The following ATPAF2 variants were observed in gnomAD, a reference collection of about 807,000 sequenced individuals.
The protein encoded by ATPAF2 is ATP12 homolog.
A neutral mutation model predicts 36.6 loss-of-function variants in ATPAF2; 30 were observed. The observed-to-expected ratio is 0.82, with a 90% CI of 0.61 to 1.11. ATPAF2 has a LOEUF of 1.11. ATPAF2 is among the 50% of genes most tolerant of loss of function. The pLI, the probability that ATPAF2 is intolerant of heterozygous loss-of-function variation, is 0.00. For synonymous variants in ATPAF2, 140 were observed against 152.6 expected, an observed-to-expected ratio of 0.92 and a Z score of 0.61; for missense variants, 321 against 372.3, an observed-to-expected ratio of 0.86 and a Z score of 1.13.
intron 3 of ATPAF2, chr17:18,026,767 G>T: frequency 2.7e-6 from 1 of 371,146 alleles, no homozygotes. Context: ...TGTCCATCTG[G>T]GATGTGAAAA....
chr17:18,021,897 T>A, intron 5 of ATPAF2, 40 bp from the exon 6 acceptor site: 1 of 1,561,126 alleles, frequency 6.4e-7, no homozygotes, highest in Non-Finnish European at 8.8e-7. Flanking sequence ...TGTCATGCTG[T>A]AGCCCAAGAG....
At chr17:18,019,605 A>C (rs985644338) in intron 7 of ATPAF2, among the ~76,000 whole-genome samples, 14 of 152,222 alleles carry the variant, frequency 9.2e-5, no homozygotes, top group Admixed American at 4.6e-4. Flanking sequence ...AAGAGGGAGG[A>C]ACGCTCAGAC....
At chr17:18,029,355 C>T (rs1204672785) in intron 1 of ATPAF2, among the ~76,000 whole-genome samples, 1 of 152,208 alleles carries the variant, frequency 6.6e-6, no homozygotes. Context: ...AGGAATTATG[C>T]AGATTCCCTC....
intron 2 of ATPAF2, 53 bp downstream of exon 2, chr17:18,028,562 A>G: frequency 1.3e-6 from 2 of 1,507,164 alleles, no homozygotes; most frequent in Non-Finnish European, 1.8e-6. Flanking sequence ...AATGTTCCCA[A>G]CCATTCACAA....
At chr17:18,015,654 C>A, downstream of ATPAF2, 1 of 178,948 alleles carries the variant, frequency 5.6e-6, no homozygotes, top group Non-Finnish European at 1.2e-5. Context: ...AGAGCAGCCT[C>A]GAGACCCTCA....
chr17:18,032,763 G>A (rs1194252676), intron 1 of ATPAF2, among the ~76,000 whole-genome samples: 3 of 152,038 alleles, frequency 2.0e-5, no homozygotes, highest in South Asian at 2.1e-4. Context: ...GGGCAGGCAC[G>A]TGGAACGATT....
chr17:18,017,887 C>G (rs2044407280), downstream of ATPAF2: 1 of 154,128 alleles, frequency 6.5e-6, no homozygotes, highest in African/African-American at 2.4e-5. Context: ...TGAGCGGAAA[C>G]ATGCACATCA....
In ATPAF2 at chr17:18,027,168, C is replaced by A. The variant is rs564019040; in HGVS notation, c.325-752G>T. Among the ~76,000 whole-genome samples the A allele has an allele frequency of 5.9e-5, 9 of 151,710 alleles. No homozygotes were observed. In the South Asian group the frequency reaches 1.9e-3, roughly 32 times the overall value. On this transcript the variant is annotated intron_variant, in intron 3 of 7. Transcript: ENST00000474627. ...CCCAGGAGGCAGAGGTTGCAGTGAGCCGAGATTATGCCATTGCACTGCAGC... is the reference window on the plus strand; with the variant it reads ...CCCAGGAGGCAGAGGTTGCAGTGAGACGAGATTATGCCATTGCACTGCAGC...
chr17:18,030,462 G>A (rs1423373120), intron 1 of ATPAF2, among the ~76,000 whole-genome samples: 1 of 147,304 alleles, frequency 6.8e-6, no homozygotes, highest in Non-Finnish European at 1.5e-5. Flanking sequence ...GAGCTGTGAT[G>A]GCACCACTGC....
chr17:18,024,725 C>A (rs755157128), intron 4 of ATPAF2, 21 bp from the exon 5 acceptor site: 4 of 1,598,014 alleles, frequency 2.5e-6, no homozygotes, highest in African/African-American at 2.7e-5. Flanking sequence ...GTAAAAATAA[C>A]CTTCATTAAT....
At chr17:18,031,313 T>A (rs1384311421) in intron 1 of ATPAF2, among the ~76,000 whole-genome samples, 1 of 152,060 alleles carries the variant, frequency 6.6e-6, no homozygotes, top group Non-Finnish European at 1.5e-5. Flanking sequence ...CATATCAGTT[T>A]TCTATAAATC....
intron 1 of ATPAF2, among the ~76,000 whole-genome samples, chr17:18,036,440 G>A (rs938790684): frequency 4.6e-5 from 7 of 152,026 alleles, no homozygotes; most frequent in Admixed American, 2.0e-4. Context: ...GCCAGGTGTG[G>A]TGGTGGGCAC....
chr17:18,016,419 C>T, downstream of ATPAF2: 1 of 790,650 alleles, frequency 1.3e-6, no homozygotes, highest in Non-Finnish European at 2.0e-6. Flanking sequence ...CAGAGATCAG[C>T]AGAACCTGGG....
At position 18,028,605 on chromosome 17, in the gene ATPAF2, A is replaced by T; in HGVS notation, c.178+10T>A. On this transcript the variant is annotated intron_variant, in intron 2 of 7. Coordinates refer to ENST00000474627, the MANE Select transcript of ATPAF2 (RefSeq NM_145691.4). ...AAAAAAAAGAGGCAGTCAAAATTTC[A>T]GACACTCACCTTCACCCTGTGTGAT... The T allele has an allele frequency of 6.3e-7, 1 of 1,598,796 alleles. No individual in the cohort carries two copies.
At chr17:18,037,628 A>G (rs1191814317) in intron 1 of ATPAF2, among the ~76,000 whole-genome samples, 1 of 152,174 alleles carries the variant, frequency 6.6e-6, no homozygotes, top group African/African-American at 2.4e-5. Flanking sequence ...AAAGAACTTG[A>G]CAGCCAGAAA....
intron 1 of ATPAF2, among the ~76,000 whole-genome samples, chr17:18,031,831 G>T (rs996414686): frequency 6.6e-6 from 1 of 152,114 alleles, no homozygotes; most frequent in African/African-American, 2.4e-5. Context: ...CCACCAAGAT[G>T]ATGTTGTCTT....
rs750129384 is a variant in ATPAF2 at position 18,026,386 on chromosome 17, G to T, written c.355C>A (p.Pro119Thr). 10 of 1,614,212 alleles carry T rather than the reference G, an allele frequency of 6.2e-6. No individual in the cohort carries two copies. The South Asian group carries it at 8.8e-5, about 14-fold the overall frequency. ...TTLCNTSLDN[P>T]TQRNKDQLIR... ...AGCTGATCCTTGTTTCTCTGGGTTG[G>T]GTTGTCCAATGATGTGTTGCACAAT... The change falls in exon 4 of 8, where the codon CCA (proline) becomes ACA (threonine). Residue 119 changes from proline to threonine, a missense_variant. Pro to Thr is a conservative substitution (Grantham distance 38). Coordinates refer to ENST00000474627, the MANE Select transcript of ATPAF2 (RefSeq NM_145691.4).
In ATPAF2 at chr17:18,018,880, A is replaced by G. The variant is rs1000706333; in HGVS notation, c.733-194T>C. Among the ~76,000 whole-genome samples the G allele has an allele frequency of 2.6e-5, 4 of 152,208 alleles. No individual in the cohort carries two copies. The East Asian group carries it at 5.8e-4, about 22-fold the overall frequency. On this transcript the variant is annotated intron_variant, in intron 7 of 7. Transcript: ENST00000474627. ...GCCAGACACGGTGGCTCACGCCTGT[A>G]ATCCCAGCACTCTGGGAGACCGAGG...
At chr17:18,022,220 A>G (rs930317387) in intron 5 of ATPAF2, among the ~76,000 whole-genome samples, 2 of 152,240 alleles carry the variant, frequency 1.3e-5, no homozygotes, top group Middle Eastern at 3.2e-3. Flanking sequence ...GAGGACATAT[A>G]AAAGTTAAAA....
Sources: gnomAD v4.1 joint callset for allele counts (sites outside exome capture counted in the v4.1 genomes callset) on GRCh38, gnomAD v4.1.1 for gene constraint, MANE v1.5 for transcripts, NCBI Gene and HGNC (gene_info 2026-07-23, HGNC 2026-07-21) for gene names.